SETBP1: variants seen among roughly 807,000 people sequenced by gnomAD.
SETBP1 encodes the protein SET-binding protein.
Under a neutral mutation model 101.0 loss-of-function variants are expected in SETBP1, and 9 were observed. That is an observed-to-expected ratio of 0.09 (90% confidence interval 0.05 to 0.16). The LOEUF is 0.16. Among genes scored for constraint, SETBP1 ranks in the 10% least tolerant of loss-of-function variants. SETBP1 has a pLI of 1.00. For missense variants in SETBP1, 1,858 were observed against 2,033.8 expected (o/e 0.91, Z 1.66); for synonymous variants, 818 against 788.5 (o/e 1.04, Z -0.63).
chr18:44,972,098 A>G (rs2071877194), intron 4 of SETBP1, among the ~76,000 whole-genome samples: 1 of 152,218 alleles, frequency 6.6e-6, no homozygotes, highest in African/African-American at 2.4e-5. Context: ...ACATATGGCT[A>G]GCCAGTTTTC....
rs554714375 is a variant in SETBP1, at chr18:44,986,210, A to G, written c.4000+32870A>G. On this transcript the variant is annotated intron_variant, in intron 4 of 5. Coordinates refer to ENST00000649279, the MANE Select transcript of SETBP1 (RefSeq NM_015559.3). ...CATGTTAGAGTACTGAATACTGTAGATAACTGTAACACAATGGTAAGCATT... is the reference window on the plus strand; with the variant it reads ...CATGTTAGAGTACTGAATACTGTAGGTAACTGTAACACAATGGTAAGCATT... The G allele has an allele frequency of 6.6e-5, 10 of 152,344 alleles. No individual in the cohort carries two copies. In the East Asian group the frequency reaches 1.9e-3, roughly 29 times the overall value. The allele number at this position is 152,344 out of a possible 1,614,324, so 9.4% of individuals were successfully genotyped here. A position where few individuals can be genotyped will look rare whatever the true frequency, so the allele number is the denominator to read the frequency against.
chr18:44,812,284 C>A (rs2071880252), intron 2 of SETBP1, among the ~76,000 whole-genome samples: 1 of 152,060 alleles, frequency 6.6e-6, no homozygotes, highest in African/African-American at 2.4e-5. Flanking sequence ...GATGTCATTC[C>A]TAAAATACTT....
intron 2 of SETBP1, among the ~76,000 whole-genome samples, chr18:44,806,089 C>T (rs1041969832): frequency 6.6e-6 from 1 of 152,088 alleles, no homozygotes; most frequent in South Asian, 2.1e-4. Context: ...TCCTGAAGTA[C>T]CATGTGTGCA....
chr18:44,787,404 C>T (rs565911369), intron 2 of SETBP1, among the ~76,000 whole-genome samples: 6 of 152,136 alleles, frequency 3.9e-5, no homozygotes, highest in Admixed American at 2.0e-4. Context: ...GGAACCCTAA[C>T]TAAATACAAA....
At chr18:44,684,447 C>G (rs1262974493) in intron 1 of SETBP1, among the ~76,000 whole-genome samples, 1 of 152,050 alleles carries the variant, frequency 6.6e-6, no homozygotes, top group Non-Finnish European at 1.5e-5. Context: ...TTTTGATGCC[C>G]CCCTGAGATA....
chr18:44,809,196 C>T (rs2071809228), intron 2 of SETBP1, among the ~76,000 whole-genome samples: 1 of 152,112 alleles, frequency 6.6e-6, no homozygotes, highest in African/African-American at 2.4e-5. Flanking sequence ...ATCCTAGAAA[C>T]ATGAGGTTTC....
chr18:44,888,056 CA>C (rs1204339770), intron 3 of SETBP1, among the ~76,000 whole-genome samples: 1 of 152,082 alleles, frequency 6.6e-6, no homozygotes, highest in Non-Finnish European at 1.5e-5. Flanking sequence ...ATTAGAAGAG[CA>C]GTCAATCTCC....
intron 2 of SETBP1, among the ~76,000 whole-genome samples, chr18:44,831,138 C>T (rs1286296354): frequency 1.3e-5 from 2 of 152,164 alleles, no homozygotes; most frequent in African/African-American, 2.4e-5. Context: ...CCAGTAGAGG[C>T]CTGTTTGTGA....
chr18:44,939,662 C>T (rs2071042542), intron 3 of SETBP1, among the ~76,000 whole-genome samples: 1 of 152,178 alleles, frequency 6.6e-6, no homozygotes, highest in East Asian at 1.9e-4. Flanking sequence ...CTGTTTTATG[C>T]TCCCTCCAAC....
chr18:44,758,670 C>A lies in SETBP1; in HGVS notation c.486+56838C>A, dbSNP rs902388231. Among the ~76,000 whole-genome samples, 41 of 152,332 alleles carry A rather than the reference C, an allele frequency of 2.7e-4. 1 individual carries two copies. The highest frequency in any genetic ancestry group is 9.8e-4 in the Admixed American group (15 of 15,310). On this transcript the variant is annotated intron_variant, in intron 2 of 5. Transcript: ENST00000649279. Reference sequence around the variant, plus strand: ...GTGCTGGGATTACAGGCGTGAGCCACCACGCCCGGCCTGAAAGATTTTTAA... The same window carrying A: ...GTGCTGGGATTACAGGCGTGAGCCAACACGCCCGGCCTGAAAGATTTTTAA...
In SETBP1 at chr18:44,864,327, A is replaced by C. The variant is rs556692160; in HGVS notation, c.487-4903A>C. 2.0e-5 allele frequency among the ~76,000 whole-genome samples: 3 copies of C among 152,300 alleles called. No homozygotes were observed. The South Asian group carries it at 6.2e-4, about 32-fold the overall frequency. Reference sequence around the variant, plus strand: ...CAGAGTTTGAAAAAGACAAGGGAGCAGAATGCCGCTGCTTAGGAAGCTGAA... The same window carrying C: ...CAGAGTTTGAAAAAGACAAGGGAGCCGAATGCCGCTGCTTAGGAAGCTGAA... On this transcript the variant is annotated intron_variant, in intron 2 of 5. Transcript: ENST00000649279.
intron 5 of SETBP1, among the ~76,000 whole-genome samples, chr18:45,057,932 G>C (rs973351957): frequency 2.6e-5 from 4 of 152,172 alleles, no homozygotes; most frequent in Non-Finnish European, 5.9e-5. Flanking sequence ...GCAGTGCTAA[G>C]TCCATTCTCT....
intron 2 of SETBP1, among the ~76,000 whole-genome samples, chr18:44,703,151 C>G (rs1418429463): frequency 6.6e-6 from 1 of 152,016 alleles, no homozygotes; most frequent in African/African-American, 2.4e-5. Flanking sequence ...GGAGATGGCT[C>G]TAGAAGAAGC....
At position 44,871,602 on chromosome 18, in the gene SETBP1, AT is replaced by A. The variant is rs2069276450; in HGVS notation, c.540+2323del. 3 of 152,266 alleles carry A rather than the reference AT, an allele frequency of 2.0e-5. No homozygotes were observed. In the South Asian group the frequency reaches 6.2e-4, roughly 32 times the overall value. The allele number at this position is 152,266 out of a possible 1,614,324, so 9.4% of individuals were successfully genotyped here. On this transcript the variant is annotated intron_variant, in intron 3 of 5. Transcript: ENST00000649279. ...GAAGATAGTTACAAAATCTTTGATG[AT>A]TTTGAAAGTGTGTAGAGTAGTGACT...
intron 2 of SETBP1, among the ~76,000 whole-genome samples, chr18:44,834,668 C>T (rs1180022852): frequency 1.3e-5 from 2 of 152,166 alleles, no homozygotes; most frequent in Admixed American, 6.5e-5. Context: ...ACTGTACACT[C>T]GTCAAATGTC....
At chr18:44,849,874 A>G (rs1746015073) in intron 2 of SETBP1, among the ~76,000 whole-genome samples, 1 of 152,210 alleles carries the variant, frequency 6.6e-6, no homozygotes, top group Non-Finnish European at 1.5e-5. Flanking sequence ...ATTTATTAAA[A>G]GTTTATTATT....
chr18:44,957,213 G>C (rs1312110578), intron 4 of SETBP1, among the ~76,000 whole-genome samples: 1 of 152,132 alleles, frequency 6.6e-6, no homozygotes, highest in East Asian at 1.9e-4. Context: ...TGCATAGTCA[G>C]AATGATGCCA....
Position 45,005,837 on chromosome 18 carries a change from G to A in SETBP1, c.4001-32648G>A, listed in dbSNP as rs1435774339. On this transcript the variant is annotated intron_variant, in intron 4 of 5. Transcript: ENST00000649279. ...AATTTTTTGTATTTTTAGTAGAGAC[G>A]GGGTTTCACTGTGTTAGCCAGGATG... Among the ~76,000 whole-genome samples the A allele has an allele frequency of 2.6e-5, 4 of 151,198 alleles. No homozygotes were observed. The South Asian group carries it at 6.3e-4, about 24-fold the overall frequency.
At chr18:44,712,048 C>G (rs372768573) in intron 2 of SETBP1, among the ~76,000 whole-genome samples, 83 of 152,334 alleles carry the variant, frequency 5.4e-4, no homozygotes, top group African/African-American at 1.9e-3. Flanking sequence ...CAATGGAGAC[C>G]TTTATTTACT....
Sources: gnomAD v4.1 joint callset for allele counts (sites outside exome capture counted in the v4.1 genomes callset) on GRCh38, gnomAD v4.1.1 for gene constraint, MANE v1.5 for transcripts, NCBI Gene and HGNC (gene_info 2026-07-23, HGNC 2026-07-21) for gene names.